The following CCDC171 variants were observed in gnomAD, a reference collection of about 807,000 sequenced individuals.
CCDC171 encodes coiled-coil domain-containing protein 171.
CCDC171 carries 177 observed loss-of-function variants against 168.2 expected under a neutral mutation model. That is an observed-to-expected ratio of 1.05 (90% CI 0.93 to 1.19). CCDC171 has a LOEUF of 1.19. Ranked by LOEUF, CCDC171 falls within the 50% of genes most tolerant of loss-of-function variation. The probability of loss-of-function intolerance (pLI) is 0.00; values close to 1 mark genes in which losing one functional copy is unlikely to be tolerated. For missense variants in CCDC171, 1,991 were observed against 1,539.0 expected (o/e 1.29, Z -4.91); for synonymous variants, 687 against 540.8 (o/e 1.27, Z -3.75).
At chr9:15,980,672 C>T (rs986776765) in intron 3 of CCDC171, among the ~76,000 whole-genome samples, 2 of 151,948 alleles carry the variant, frequency 1.3e-5, no homozygotes, top group Non-Finnish European at 2.9e-5. Flanking sequence ...TAAGATTTAC[C>T]ATTCTGTAAT....
chr9:16,081,166 C>G, the CCDC171 span, among the ~76,000 whole-genome samples: 3 of 152,222 alleles, frequency 2.0e-5, no homozygotes, highest in South Asian at 6.2e-4. Context: ...TGGGTTCTAA[C>G]ATGGACATTG....
intron 21 of CCDC171, among the ~76,000 whole-genome samples, chr9:15,826,170 T>A (rs758244771): frequency 1.4e-4 from 22 of 152,112 alleles, no homozygotes; most frequent in Non-Finnish European, 1.9e-4. Context: ...CTCATTCTCT[T>A]TTCATGGCAT....
chr9:15,702,545 C>G lies in CCDC171; in HGVS notation c.1318+7208C>G, dbSNP rs958528718. On this transcript the variant is annotated intron_variant, in intron 11 of 25. Transcript: ENST00000380701. ...ATTGGCTTCAACTTAAAGTCACCAGCCACATTAGCCCCTAACAAGAGAGTC... is the reference window on the plus strand; with the variant it reads ...ATTGGCTTCAACTTAAAGTCACCAGGCACATTAGCCCCTAACAAGAGAGTC... Among the ~76,000 whole-genome samples the G allele has an allele frequency of 2.6e-5, 4 of 152,224 alleles. No individual in the cohort carries two copies. In the East Asian group the frequency reaches 7.8e-4, roughly 30 times the overall value.
At chr9:15,584,606 G>A (rs2041408079) in intron 4 of CCDC171, among the ~76,000 whole-genome samples, 1 of 152,180 alleles carries the variant, frequency 6.6e-6, no homozygotes, top group Non-Finnish European at 1.5e-5. Context: ...TTCAGAGGTA[G>A]TAGGTCAGAG....
chr9:16,088,115 C>T, the CCDC171 span, among the ~76,000 whole-genome samples: 1 of 152,142 alleles, frequency 6.6e-6, no homozygotes, highest in East Asian at 1.9e-4. Flanking sequence ...GACCCAATGA[C>T]AAAAACCACA....
chr9:15,733,837 C>A (rs541977286), intron 16 of CCDC171, among the ~76,000 whole-genome samples: 32 of 152,142 alleles, frequency 2.1e-4, no homozygotes, highest in Non-Finnish European at 4.3e-4. Flanking sequence ...GGCACAGTCA[C>A]GGCTCACTGC....
chr9:15,856,783 CT>C (rs940711973), intron 23 of CCDC171, among the ~76,000 whole-genome samples: 3 of 151,928 alleles, frequency 2.0e-5, no homozygotes, highest in East Asian at 1.9e-4. Flanking sequence ...AATCTCCATA[CT>C]TTTTTTCCAG....
Position 15,712,925 on chromosome 9 carries a change from A to G in CCDC171, c.1319-8844A>G, listed in dbSNP as rs367794968. 2.1e-4 allele frequency among the ~76,000 whole-genome samples: 32 copies of G among 152,336 alleles called. No individual in the cohort carries two copies. The East Asian group carries it at 4.4e-3, about 21-fold the overall frequency. On this transcript the variant is annotated intron_variant, in intron 11 of 25. Coordinates refer to ENST00000380701, the MANE Select transcript of CCDC171 (RefSeq NM_173550.4). ...TAGGAAAAAACATTGGTTGATATCC[A>G]TAGAATACTTCATTTTGCCCTCCTG...
At chr9:15,954,151 C>CT (rs34362388) in intron 25 of CCDC171, among the ~76,000 whole-genome samples, 43,786 of 140,596 alleles carry the variant, frequency 0.31, 8,184 homozygotes, top group East Asian at 0.61. Context: ...TACTTACTTT[C>CT]TTTTTTTTTT....
chr9:15,784,222 T>A (rs144373150), intron 20 of CCDC171, among the ~76,000 whole-genome samples: 6 of 152,246 alleles, frequency 3.9e-5, no homozygotes. Flanking sequence ...TAAAAAGTGC[T>A]CATGTATGAA....
chr9:15,613,219 A>C (rs1336168009), intron 6 of CCDC171, among the ~76,000 whole-genome samples: 1 of 152,308 alleles, frequency 6.6e-6, no homozygotes, highest in East Asian at 1.9e-4. Context: ...ACCTGTCATC[A>C]TCAGTCTTTT....
chr9:15,951,789 A>G (rs1829212994), intron 25 of CCDC171, among the ~76,000 whole-genome samples: 1 of 152,058 alleles, frequency 6.6e-6, no homozygotes, highest in Non-Finnish European at 1.5e-5. Flanking sequence ...ATGATTTGCA[A>G]GTATTTTCTC....
chr9:15,586,258 T>C (rs2041548976), intron 4 of CCDC171, among the ~76,000 whole-genome samples: 1 of 152,122 alleles, frequency 6.6e-6, no homozygotes, highest in African/African-American at 2.4e-5. Context: ...AGAGTCCAGG[T>C]TGTAGATATA....
chr9:15,600,611 T>C (rs440229), intron 6 of CCDC171, among the ~76,000 whole-genome samples: 70,444 of 152,040 alleles, frequency 0.46, 16,799 homozygotes, highest in East Asian at 0.75. Context: ...GCAGTCTGTC[T>C]GTTCTCAGAT....
chr9:15,831,186 A>G (rs1180274181), intron 21 of CCDC171, among the ~76,000 whole-genome samples: 1 of 151,732 alleles, frequency 6.6e-6, no homozygotes, highest in Non-Finnish European at 1.5e-5. Flanking sequence ...GTTAGCCAGG[A>G]TGGTCTCGAA....
In CCDC171 at chr9:15,972,951, G is replaced by T. The variant is rs866715029; in HGVS notation, c.*1115G>T. ...AGTTCTAACCACAAAGAGGTTTCTG[G>T]TAACTTACTTGACAAGCTTTTGGGT... On this transcript the variant is annotated 3_prime_UTR_variant, in exon 26 of 26. Transcript: ENST00000380701. 6.6e-6 allele frequency: 1 copy of T among 152,102 alleles called. No individual in the cohort carries two copies. Among genetic ancestry groups the T allele is most frequent in the Non-Finnish European group, 1.5e-5 (1 of 68,036 alleles). The allele number at this position is 152,102 out of a possible 1,614,324, so 9.4% of individuals were successfully genotyped here. A position where few individuals can be genotyped will look rare whatever the true frequency, so the allele number is the denominator to read the frequency against.
At chr9:15,904,784 G>A (rs2987052) in intron 24 of CCDC171, among the ~76,000 whole-genome samples, 42,277 of 151,020 alleles carry the variant, frequency 0.28, 5,959 homozygotes, top group Admixed American at 0.33. Context: ...GCCATCTCAC[G>A]TGCAGAGACA....
At chr9:15,797,208 A>G (rs2058599759) in intron 21 of CCDC171, among the ~76,000 whole-genome samples, 1 of 152,054 alleles carries the variant, frequency 6.6e-6, no homozygotes, top group African/African-American at 2.4e-5. Context: ...AAACCATGTG[A>G]TATTTGATTG....
intron 25 of CCDC171, among the ~76,000 whole-genome samples, chr9:15,931,960 G>GCA (rs1826573570): frequency 6.6e-6 from 1 of 151,802 alleles, no homozygotes; most frequent in African/African-American, 2.4e-5. Flanking sequence ...ATTGGTTTAT[G>GCA]TGTCTGTTTT....
Sources: gnomAD v4.1 joint callset for allele counts (sites outside exome capture counted in the v4.1 genomes callset) on GRCh38, gnomAD v4.1.1 for gene constraint, MANE v1.5 for transcripts, NCBI Gene and HGNC (gene_info 2026-07-23, HGNC 2026-07-21) for gene names.